Variants in SSH2 observed in about 807,000 individuals in gnomAD.
The protein encoded by SSH2 is protein phosphatase Slingshot homolog 2.
In SSH2, 37 loss-of-function variants were observed where a neutral mutation model predicts 135.2. That is an observed-to-expected ratio of 0.27 (90% CI 0.21 to 0.36). The LOEUF is 0.36. Ranked by LOEUF, SSH2 falls within the 10% of genes least tolerant of loss-of-function variation. The pLI is 1.00. For missense variants in SSH2, 1,408 were observed against 1,765.3 expected, an observed-to-expected ratio of 0.80 and a Z score of 3.63; for synonymous variants, 628 against 646.2, an observed-to-expected ratio of 0.97 and a Z score of 0.43.
At chr17:29,793,656 G>T in intron 3 of SSH2, 1 of 351,354 alleles carries the variant, frequency 2.8e-6, no homozygotes, top group South Asian at 8.5e-5. Flanking sequence ...AAAAAACGGA[G>T]GAAGGTCCTG....
intron 3 of SSH2, among the ~76,000 whole-genome samples, chr17:29,758,841 C>T (rs1055913960): frequency 4.6e-5 from 7 of 151,924 alleles, no homozygotes; most frequent in African/African-American, 7.3e-5. Flanking sequence ...CTTGAACTCC[C>T]GGGCTAAAGT....
intron 12 of SSH2, among the ~76,000 whole-genome samples, chr17:29,653,573 T>G (rs1354455638): frequency 6.6e-6 from 1 of 152,162 alleles, no homozygotes; most frequent in Non-Finnish European, 1.5e-5. Flanking sequence ...GTATCTAGGT[T>G]TCCCAGAAGT....
chr17:29,727,031 C>A (rs1027532073), intron 3 of SSH2, among the ~76,000 whole-genome samples: 3 of 152,222 alleles, frequency 2.0e-5, no homozygotes, highest in Non-Finnish European at 4.4e-5. Flanking sequence ...TGTTATCACA[C>A]ATGTCTATAT....
chr17:29,673,952 G>T, intron 8 of SSH2: 3 of 330,178 alleles, frequency 9.1e-6, no homozygotes, highest in South Asian at 2.5e-5. Context: ...GCTATTATTA[G>T]AACACTGACA....
At chr17:29,681,885 C>T (rs562691136) in intron 6 of SSH2, among the ~76,000 whole-genome samples, 143 of 152,300 alleles carry the variant, frequency 9.4e-4, no homozygotes, top group Non-Finnish European at 1.6e-3. Context: ...ACCTGAGCAT[C>T]TGAGACTTCT....
chr17:29,732,957 TAGCCAG>T (rs1375072892), intron 3 of SSH2, among the ~76,000 whole-genome samples: 1 of 152,164 alleles, frequency 6.6e-6, no homozygotes, highest in Non-Finnish European at 1.5e-5. Flanking sequence ...TGCCATGCCT[TAGCCAG>T]AGACAAGAGC....
intron 12 of SSH2, among the ~76,000 whole-genome samples, chr17:29,652,913 C>T (rs1241635845): frequency 6.6e-6 from 1 of 152,194 alleles, no homozygotes; most frequent in Non-Finnish European, 1.5e-5. Context: ...GCTTCGGCCT[C>T]CCAAAGTGCT....
intron 1 of SSH2, among the ~76,000 whole-genome samples, chr17:29,855,478 C>G (rs1351529985): frequency 6.6e-6 from 1 of 152,166 alleles, no homozygotes; most frequent in Non-Finnish European, 1.5e-5. Context: ...GCACTCCCGC[C>G]TGCACAATAA....
chr17:29,708,589 CAAAAAA>C (rs61012646), intron 3 of SSH2, among the ~76,000 whole-genome samples: 1 of 98,928 alleles, frequency 1.0e-5, no homozygotes, highest in African/African-American at 3.9e-5. Flanking sequence ...AACTCTGCTT[CAAAAAA>C]AAAAAAAAAA....
chr17:29,812,672 C>T (rs538710971), intron 2 of SSH2, among the ~76,000 whole-genome samples: 3 of 152,062 alleles, frequency 2.0e-5, no homozygotes, highest in Admixed American at 6.5e-5. Flanking sequence ...GGGTGGATCA[C>T]GAGGTCAGGA....
intron 1 of SSH2, chr17:29,864,371 A>G (rs1272949897): frequency 1.3e-5 from 2 of 151,718 alleles, no homozygotes; most frequent in African/African-American, 4.8e-5. Context: ...AAAAGAACCC[A>G]GTAAGGTTAC....
chr17:29,765,387 T>C (rs1228775706), intron 3 of SSH2, among the ~76,000 whole-genome samples: 3 of 152,224 alleles, frequency 2.0e-5, no homozygotes, highest in African/African-American at 7.2e-5. Context: ...AAAGTTATCG[T>C]GAGGATTAAT....
intron 1 of SSH2, among the ~76,000 whole-genome samples, chr17:29,857,191 A>T (rs751601441): frequency 6.6e-6 from 1 of 152,188 alleles, no homozygotes; most frequent in Non-Finnish European, 1.5e-5. Context: ...GGCAATTTAC[A>T]TAGAAAGAGG....
At chr17:29,770,109 T>G (rs968303977) in intron 3 of SSH2, among the ~76,000 whole-genome samples, 1 of 147,032 alleles carries the variant, frequency 6.8e-6, no homozygotes, top group Non-Finnish European at 1.5e-5. Context: ...TTTTTTTTTT[T>G]TTTTTTTTTT....
chr17:29,832,154 T>C (rs1279694258), intron 2 of SSH2, among the ~76,000 whole-genome samples: 1 of 151,924 alleles, frequency 6.6e-6, no homozygotes, highest in Non-Finnish European at 1.5e-5. Flanking sequence ...CTATCTTCTG[T>C]TTTTTTTGAC....
chr17:29,893,644 T>C (rs772685966), intron 1 of SSH2, among the ~76,000 whole-genome samples: 1 of 152,112 alleles, frequency 6.6e-6, no homozygotes, highest in African/African-American at 2.4e-5. Flanking sequence ...ACCCATTCTG[T>C]GGTATTTTGT....
Position 29,671,850 on chromosome 17 carries a change from G to A in SSH2, c.809+85C>T, listed in dbSNP as rs528274544. 3.6e-4 allele frequency: 430 copies of A among 1,181,954 alleles called. 5 individuals are homozygous for A. The South Asian group carries it at 6.0e-3, about 16-fold the overall frequency. 73.2% of individuals were successfully genotyped at this position (1,181,954 alleles called of 1,614,324 possible). ...CCTAGGTAAGATTAACTCCCCAAGA[G>A]AAAAGATTAGGGAGGAACATGCTTC... On this transcript the variant is annotated intron_variant, in intron 9 of 15. Coordinates refer to ENST00000540801, the MANE Select transcript of SSH2 (RefSeq NM_001282129.2).
chr17:29,899,754 C>G (rs1005056482), intron 1 of SSH2, among the ~76,000 whole-genome samples: 6 of 152,148 alleles, frequency 3.9e-5, no homozygotes, highest in African/African-American at 1.4e-4. Flanking sequence ...CTATCAATGA[C>G]TTTCTTCACA....
At chr17:29,867,796 G>A (rs1317386237) in intron 1 of SSH2, among the ~76,000 whole-genome samples, 1 of 152,130 alleles carries the variant, frequency 6.6e-6, no homozygotes, top group Non-Finnish European at 1.5e-5. Flanking sequence ...CAAGTAAAGA[G>A]CTCTATTCCT....
Sources: gnomAD v4.1 joint callset for allele counts (sites outside exome capture counted in the v4.1 genomes callset) on GRCh38, gnomAD v4.1.1 for gene constraint, MANE v1.5 for transcripts, NCBI Gene and HGNC (gene_info 2026-07-23, HGNC 2026-07-21) for gene names.